AKR1C3: variants seen among roughly 807,000 people sequenced by gnomAD.
The protein encoded by AKR1C3 is 3-alpha hydroxysteroid dehydrogenase, type II.
AKR1C3 carries 48 observed loss-of-function variants against 43.6 expected under a neutral mutation model. The ratio of observed to expected loss-of-function variants is 1.10; its 90% CI spans 0.87 to 1.40. The LOEUF (loss-of-function observed/expected upper bound fraction) is 1.40, where lower values mean the gene tolerates loss of function less well. Ranked by LOEUF, AKR1C3 falls within the 40% of genes most tolerant of loss-of-function variation. The probability of loss-of-function intolerance (pLI) is 0.00; values close to 1 mark genes in which losing one functional copy is unlikely to be tolerated. For synonymous variants in AKR1C3, 162 were observed against 139.6 expected (o/e 1.16, Z -1.13); for missense variants, 482 against 391.2 (o/e 1.23, Z -1.96).
intron 4 of AKR1C3, 129 bp downstream of exon 4, chr10:5,099,008 T>C: frequency 1.1e-6 from 1 of 890,304 alleles, no homozygotes; most frequent in Non-Finnish European, 1.7e-6. Flanking sequence ...AAGAGTAGCT[T>C]TGGTGAGATG....
chr10:5,084,585 TTAAAG>T (rs1301315912), intron 1 of AKR1C3, among the ~76,000 whole-genome samples: 1 of 152,118 alleles, frequency 6.6e-6, no homozygotes, highest in Non-Finnish European at 1.5e-5. Flanking sequence ...CATATGAACT[TTAAAG>T]TAGTTTTTTC....
intron 1 of AKR1C3, among the ~76,000 whole-genome samples, chr10:5,072,250 G>A (rs1937907): frequency 0.19 from 29,374 of 152,122 alleles, 2,988 homozygotes; most frequent in Admixed American, 0.26. Context: ...ACTAAAATAC[G>A]AGGTAATGAT....
chr10:5,069,160 C>T (rs1466142083), intron 1 of AKR1C3, among the ~76,000 whole-genome samples: 1 of 152,182 alleles, frequency 6.6e-6, no homozygotes, highest in Admixed American at 6.5e-5. Context: ...TTTCATTTAA[C>T]CAGTTTGCAC....
chr10:5,082,454 T>C (rs560331941), intron 1 of AKR1C3, among the ~76,000 whole-genome samples: 1 of 152,260 alleles, frequency 6.6e-6, no homozygotes, highest in Non-Finnish European at 1.5e-5. Flanking sequence ...TTTTGAGTCA[T>C]GTTCCCTTGA....
rs12387 is a variant in AKR1C3 at position 5,097,493 on chromosome 10, G to A, written c.312G>A (p.Lys104=). The A allele has an allele frequency of 0.83, 1,341,160 of 1,613,590 alleles. 557,957 individuals are homozygous for A. The highest frequency in any genetic ancestry group is 0.91 in the Middle Eastern group (5,506 of 6,058). ...LVRPALENSL[K]KAQLDYVDLY... ...GACCAGCCTTGGAAAACTCACTGAA[G>A]AAAGCTCAATTGGACTATGTTGACC... The change falls in exon 3 of 9, where the codon AAG becomes AAA. Residue 104 remains lysine, a synonymous_variant. Coordinates refer to ENST00000380554, the MANE Select transcript of AKR1C3 (RefSeq NM_003739.6).
intron 1 of AKR1C3, chr10:5,077,596 A>G: frequency 1.1e-6 from 1 of 912,752 alleles, no homozygotes; most frequent in Non-Finnish European, 1.3e-6. Context: ...GTAAAACATT[A>G]AAGTTGATTT....
chr10:5,063,791 G>GAAAAAAAAAAAAAAAAAAAAAA, intron 1 of AKR1C3, among the ~76,000 whole-genome samples: 382 of 72,630 alleles, frequency 5.3e-3, no homozygotes, highest in Middle Eastern at 0.012. Context: ...AAAAAAAAAG[G>GAAAAAAAAAAAAAAAAAAAAAA]AAAATGGCAC....
chr10:5,055,351 T>C (rs1365038883), intron 1 of AKR1C3, among the ~76,000 whole-genome samples: 5 of 152,222 alleles, frequency 3.3e-5, no homozygotes, highest in African/African-American at 9.6e-5. Context: ...AGTGGCAGTG[T>C]TGAGGGGCAT....
chr10:5,071,053 T>G (rs1364492516), intron 1 of AKR1C3, among the ~76,000 whole-genome samples: 1 of 152,222 alleles, frequency 6.6e-6, no homozygotes, highest in Non-Finnish European at 1.5e-5. Flanking sequence ...TCTGGAAACA[T>G]TTCTTTTTGT....
At chr10:5,098,383 G>C (rs569493408) in intron 3 of AKR1C3, among the ~76,000 whole-genome samples, 23 of 152,234 alleles carry the variant, frequency 1.5e-4, no homozygotes, top group Admixed American at 4.6e-4. Flanking sequence ...CTGACCCTAT[G>C]TGATTCACAG....
At chr10:5,101,744 C>G (rs1453065782) in intron 5 of AKR1C3, among the ~76,000 whole-genome samples, 1 of 152,168 alleles carries the variant, frequency 6.6e-6, no homozygotes, top group Non-Finnish European at 1.5e-5. Flanking sequence ...CAGACTTGCA[C>G]TCACGAGTCC....
At chr10:5,099,553 A>G in intron 5 of AKR1C3, 104 bp downstream of exon 5, 4 of 1,561,914 alleles carry the variant, frequency 2.6e-6, no homozygotes, top group Non-Finnish European at 3.5e-6. Flanking sequence ...TGTGAAGTAG[A>G]AGATTATCTA....
At chr10:5,091,946 T>G (rs1204168754), upstream of AKR1C3, among the ~76,000 whole-genome samples, 1 of 152,166 alleles carries the variant, frequency 6.6e-6, no homozygotes, top group African/African-American at 2.4e-5. Flanking sequence ...TATTTTAAGC[T>G]GAATTAGTCC....
At position 5,102,207 on chromosome 10, in the gene AKR1C3, G is replaced by C. The variant is rs782758217; in HGVS notation, c.677G>C (p.Arg226Pro). Residue 226 changes from arginine to proline, a missense_variant, in exon 6 of 9, where the codon CGA (arginine) becomes CCA (proline). Physicochemically the swap from Arg to Pro is moderately radical, Grantham distance 103. Coordinates refer to ENST00000380554, the MANE Select transcript of AKR1C3 (RefSeq NM_003739.6). ...GCTCTGGGATCTCAACGAGACAAAC[G>C]ATGGTAATAAAAACAATGGGACCTT... The part of the protein sequence containing the change: ...YSALGSQRDK[R>P]WVDPNSPVLL... 1 of 1,611,988 alleles carries C rather than the reference G, an allele frequency of 6.2e-7. No individual in the cohort carries two copies.
In AKR1C3 at chr10:5,106,916, A is replaced by ATAG. The variant is rs1169028359; in HGVS notation, c.930-543_930-542insGTA. The stretch of plus-strand genomic sequence containing the variant: ...ATTTTTTTAGTTTCAAGGAAAATAA[A>ATAG]TAAAAAAAGGAAACCATGTAAAAGA... On this transcript the variant is annotated intron_variant, in intron 8 of 8. Coordinates refer to ENST00000380554, the MANE Select transcript of AKR1C3 (RefSeq NM_003739.6). 2.0e-4 allele frequency among the ~76,000 whole-genome samples: 30 copies of ATAG among 150,720 alleles called. No homozygotes were observed. In the South Asian group the frequency reaches 5.8e-3, roughly 29 times the overall value.
chr10:5,071,378 G>C (rs28943575), intron 1 of AKR1C3, among the ~76,000 whole-genome samples: 11,483 of 152,204 alleles, frequency 0.075, 609 homozygotes, highest in Non-Finnish European at 0.11. Context: ...TCTACATAAT[G>C]AGAGTAAAAT....
chr10:5,064,344 C>T (rs10904410), intron 1 of AKR1C3, among the ~76,000 whole-genome samples: 30,655 of 151,968 alleles, frequency 0.2, 3,173 homozygotes, highest in East Asian at 0.38. Context: ...AAGATTGAAA[C>T]GGGAAAGCCT....
intron 1 of AKR1C3, among the ~76,000 whole-genome samples, chr10:5,058,805 C>G (rs1838317521): frequency 1.3e-5 from 2 of 152,106 alleles, no homozygotes; most frequent in Admixed American, 1.3e-4. Context: ...AAAACCTGCA[C>G]CCTTGCCTGT....
At chr10:5,055,309 A>G (rs369118156) in intron 1 of AKR1C3, among the ~76,000 whole-genome samples, 293 of 152,352 alleles carry the variant, frequency 1.9e-3, no homozygotes, top group African/African-American at 6.6e-3. Flanking sequence ...GTTGGCAGTC[A>G]TGCTCAATTG....
Sources: gnomAD v4.1 joint callset for allele counts (sites outside exome capture counted in the v4.1 genomes callset) on GRCh38, gnomAD v4.1.1 for gene constraint, MANE v1.5 for transcripts, NCBI Gene and HGNC (gene_info 2026-07-23, HGNC 2026-07-21) for gene names.